EBF3: variants seen among roughly 807,000 people sequenced by gnomAD.
EBF3 encodes the protein transcription factor COE3.
Under a neutral mutation model 77.1 loss-of-function variants are expected in EBF3, and 18 were observed. The ratio of observed to expected loss-of-function variants is 0.23; its 90% CI spans 0.16 to 0.35. The LOEUF is 0.35. EBF3 is among the 10% of genes least tolerant of loss of function. The pLI is 1.00. For synonymous variants in EBF3, 350 were observed against 343.5 expected, an observed-to-expected ratio of 1.02 and a Z score of -0.21; for missense variants, 558 against 860.0, an observed-to-expected ratio of 0.65 and a Z score of 4.39.
intron 6 of EBF3, among the ~76,000 whole-genome samples, chr10:129,933,308 A>T (rs1857152921): frequency 6.6e-6 from 1 of 152,222 alleles, no homozygotes; most frequent in Non-Finnish European, 1.5e-5. Context: ...ACTGCTGCGA[A>T]TTATGCCTGG....
intron 6 of EBF3, among the ~76,000 whole-genome samples, chr10:129,922,912 C>T (rs1428396041): frequency 3.3e-5 from 5 of 152,208 alleles, no homozygotes; most frequent in East Asian, 1.9e-4. Context: ...GAGGCCCCCC[C>T]GACCATGTGA....
intron 10 of EBF3, 43 bp downstream of exon 10, chr10:129,867,098 G>A (rs776468557): frequency 6.3e-7 from 1 of 1,596,266 alleles, no homozygotes; most frequent in Non-Finnish European, 8.5e-7. Context: ...GTGGGGAGGA[G>A]GCCTCTACCG....
intron 11 of EBF3, among the ~76,000 whole-genome samples, chr10:129,847,408 G>A (rs573957225): frequency 2.6e-5 from 4 of 152,296 alleles, no homozygotes; most frequent in South Asian, 2.1e-4. Flanking sequence ...AAACCCCTCC[G>A]TGAACTGCTC....
At chr10:129,871,864 A>G (rs1852429622) in intron 8 of EBF3, among the ~76,000 whole-genome samples, 3 of 152,328 alleles carry the variant, frequency 2.0e-5, no homozygotes, top group South Asian at 2.1e-4. Context: ...AGATATTTCA[A>G]TCTCTTGCAA....
intron 11 of EBF3, among the ~76,000 whole-genome samples, chr10:129,846,745 T>C (rs543162632): frequency 1.3e-5 from 2 of 152,256 alleles, no homozygotes; most frequent in South Asian, 2.1e-4. Context: ...TTGAAACTGC[T>C]AGATTTCATC....
At chr10:129,955,853 C>T (rs752557782) in intron 6 of EBF3, among the ~76,000 whole-genome samples, 1 of 152,198 alleles carries the variant, frequency 6.6e-6, no homozygotes, top group Non-Finnish European at 1.5e-5. Flanking sequence ...ACTGCCTTTT[C>T]AAGCAACTTA....
At position 129,879,273 on chromosome 10, in the gene EBF3, C is replaced by T. The variant is rs938129650; in HGVS notation, c.555-1424G>A. ...CAGAGCTTGGGTCTGTGCTGAAACA[C>T]CCACTCTCTGCACGTGGCCAAGCAT... On this transcript the variant is annotated intron_variant, in intron 6 of 16. Transcript: ENST00000440978. The surrounding 1 kb of genome is among the most constrained non-coding windows in gnomAD (Gnocchi z 4.7). Among the ~76,000 whole-genome samples the T allele has an allele frequency of 6.6e-6, 1 of 152,170 alleles. No homozygotes were observed. Among genetic ancestry groups the T allele is most frequent in the Non-Finnish European group, 1.5e-5 (1 of 68,032 alleles).
chr10:129,875,187 CTTTTTTTTTTTTTTT>C (rs1193539598), intron 7 of EBF3, among the ~76,000 whole-genome samples: 1 of 92,932 alleles, frequency 1.1e-5, no homozygotes, highest in African/African-American at 4.1e-5. Context: ...ATGGCTTCTT[CTTTTTTTTTTTTTTT>C]TTTTTTTTTT....
intron 6 of EBF3, among the ~76,000 whole-genome samples, chr10:129,890,309 G>A (rs756334484): frequency 3.9e-5 from 6 of 152,204 alleles, no homozygotes; most frequent in African/African-American, 1.2e-4. Flanking sequence ...CTGGACTGCC[G>A]AGACCCCAGG....
rs1291792562 is a variant in EBF3 at position 129,863,856 on chromosome 10, T to C, written c.1039+3285A>G. Among the ~76,000 whole-genome samples, 1 of 152,182 alleles carries C rather than the reference T, an allele frequency of 6.6e-6. No individual in the cohort carries two copies. The highest frequency in any genetic ancestry group is 6.5e-5 in the Admixed American group (1 of 15,282). ...TCCCTTACATCACCTTTGAAATGGA[T>C]ATTCCTGTTAATGACTGGGGTGTGG... On this transcript the variant is annotated intron_variant, in intron 10 of 16. Transcript: ENST00000440978. This position sits in a 1 kb window ranked among gnomAD's most constrained non-coding sequence, Gnocchi z 4.0.
chr10:129,854,639 T>G (rs1851121507), intron 10 of EBF3, among the ~76,000 whole-genome samples: 1 of 152,218 alleles, frequency 6.6e-6, no homozygotes, highest in Non-Finnish European at 1.5e-5. Flanking sequence ...AAATTAATAT[T>G]GTAAAATGAA....
intron 6 of EBF3, among the ~76,000 whole-genome samples, chr10:129,926,514 A>G (rs1175218322): frequency 6.6e-6 from 1 of 152,172 alleles, no homozygotes; most frequent in Non-Finnish European, 1.5e-5. Context: ...CTCAGCCCAA[A>G]GCAGTGAAAC....
intron 6 of EBF3, among the ~76,000 whole-genome samples, chr10:129,881,176 C>G (rs2134147328): frequency 6.6e-6 from 1 of 152,198 alleles, no homozygotes. Context: ...GCTTTAGCAC[C>G]AATAAACTCT....
chr10:129,948,344 T>C (rs1464264690), intron 6 of EBF3, among the ~76,000 whole-genome samples: 1 of 150,008 alleles, frequency 6.7e-6, no homozygotes, highest in Non-Finnish European at 1.5e-5. Context: ...TACAACATTC[T>C]GAAAAAGCAA....
At chr10:129,846,246 C>A (rs772856446) in intron 11 of EBF3, among the ~76,000 whole-genome samples, 1 of 150,632 alleles carries the variant, frequency 6.6e-6, no homozygotes, top group Non-Finnish European at 1.5e-5. Flanking sequence ...GCCAACCCCC[C>A]TCTCTCAGAA....
chr10:129,874,180 A>G (rs1485772538), intron 7 of EBF3, among the ~76,000 whole-genome samples: 1 of 152,186 alleles, frequency 6.6e-6, no homozygotes, highest in East Asian at 1.9e-4. Context: ...GAATATGAAT[A>G]GTGGGAGTGT....
intron 8 of EBF3, among the ~76,000 whole-genome samples, chr10:129,871,898 G>A (rs983538412): frequency 2.0e-5 from 3 of 152,104 alleles, no homozygotes; most frequent in Non-Finnish European, 2.9e-5. Context: ...TTTAAATGTC[G>A]AGAAACAAAC....
At chr10:129,838,013 C>G in intron 16 of EBF3, 53 bp from the exon 17 acceptor site, 2 of 1,611,728 alleles carry the variant, frequency 1.2e-6, no homozygotes, top group Non-Finnish European at 1.7e-6. Flanking sequence ...CGCGCCCTCC[C>G]GCCAACGCTG....
rs10541156 is a variant in EBF3 at position 129,877,481 on chromosome 10, CAA to C, written c.636+285_636+286del. 8.4e-3 allele frequency among the ~76,000 whole-genome samples: 647 copies of C among 77,254 alleles called. 1 individual carries two copies. The highest frequency in any genetic ancestry group is 0.027 in the African/African-American group (534 of 19,958). The allele number at this position is 77,254 out of a possible 152,430, so 50.7% of individuals were successfully genotyped here. On this transcript the variant is annotated intron_variant, in intron 7 of 16. Coordinates refer to ENST00000440978, the MANE Select transcript of EBF3 (RefSeq NM_001375380.1). Reference sequence around the variant, plus strand: ...GGGATACAGAGCAAGACTCTGTCTCCAAAAAAAAAAAAAAAAAAAAAGCTTCC... The same window carrying C: ...GGGATACAGAGCAAGACTCTGTCTCCAAAAAAAAAAAAAAAAAAAGCTTCC...
Sources: gnomAD v4.1 joint callset for allele counts (sites outside exome capture counted in the v4.1 genomes callset) on GRCh38, gnomAD v4.1.1 for gene constraint, Gnocchi (gnomAD v3.1) non-coding constraint, MANE v1.5 for transcripts, NCBI Gene and HGNC (gene_info 2026-07-23, HGNC 2026-07-21) for gene names.